Variants in IRS2 observed in about 807,000 individuals in gnomAD.
The protein encoded by IRS2 is insulin receptor substrate 2.
In IRS2, 28 loss-of-function variants were observed where a neutral mutation model predicts 70.9. That is an observed-to-expected ratio of 0.39 (90% CI 0.29 to 0.54). The LOEUF (loss-of-function observed/expected upper bound fraction) is 0.54, where lower values mean the gene tolerates loss of function less well. IRS2 is among the 20% of genes least tolerant of loss of function. The pLI, the probability that IRS2 is intolerant of heterozygous loss-of-function variation, is 0.59. For missense variants in IRS2, 2,081 were observed against 2,024.1 expected, an observed-to-expected ratio of 1.03 and a Z score of -0.54; for synonymous variants, 1,217 against 981.9, an observed-to-expected ratio of 1.24 and a Z score of -4.48.
chr13:109,761,765 G>A lies in IRS2; in HGVS notation c.4013-5457C>T, dbSNP rs531358365. Among the ~76,000 whole-genome samples, 133 of 152,260 alleles carry A rather than the reference G, an allele frequency of 8.7e-4. 1 individual carries two copies. Among genetic ancestry groups the A allele is most frequent in the Non-Finnish European group, 1.7e-3 (114 of 68,014 alleles). ...AACTTGCTTTCCTGCTGCCCTCCTT[G>A]AGAAAGACTGAAAACATTCTTTTCT... On this transcript the variant is annotated intron_variant, in intron 1 of 1. Coordinates refer to ENST00000375856, the MANE Select transcript of IRS2 (RefSeq NM_003749.3).
At chr13:109,757,517 T>C (rs1877132456) in intron 1 of IRS2, among the ~76,000 whole-genome samples, 1 of 151,964 alleles carries the variant, frequency 6.6e-6, no homozygotes, top group Non-Finnish European at 1.5e-5. Context: ...TGAGAGTGAG[T>C]CCCTCAAAAC....
Position 109,783,899 on chromosome 13 carries a change from T to A in IRS2, c.2155A>T (p.Thr719Ser), listed in dbSNP as rs759978554. The A allele has an allele frequency of 1.4e-5, 21 of 1,546,506 alleles. No homozygotes were observed. In the South Asian group the frequency reaches 2.5e-4, roughly 18 times the overall value. Residue 719 changes from threonine to serine, a missense_variant, in exon 1 of 2, where the codon ACA (threonine) becomes TCA (serine). Physicochemically the swap from Thr to Ser is moderately conservative, Grantham distance 58 (BLOSUM62 1). Transcript: ENST00000375856. ...TAGCCGCCCCCGCTCGCCGGGAATG[T>A]CCTGCCCGCCGCAGAGGTGGGTGCT... Reference protein sequence around the residue: ...GPAPTSAAGRTFPASGGGYKA... With the variant: ...GPAPTSAAGRSFPASGGGYKA...
At chr13:109,771,389 C>G (rs776133522) in intron 1 of IRS2, among the ~76,000 whole-genome samples, 10 of 152,086 alleles carry the variant, frequency 6.6e-5, no homozygotes, top group Non-Finnish European at 1.5e-4. Flanking sequence ...AATAAATTTA[C>G]AATCCTGGAT....
At chr13:109,766,876 T>C (rs1200532571) in intron 1 of IRS2, among the ~76,000 whole-genome samples, 2 of 152,284 alleles carry the variant, frequency 1.3e-5, no homozygotes, top group African/African-American at 4.8e-5. Flanking sequence ...ATTCAGTTAC[T>C]GCACATGCCC....
intron 1 of IRS2, among the ~76,000 whole-genome samples, chr13:109,778,061 T>C (rs759176359): frequency 7.2e-5 from 11 of 152,224 alleles, no homozygotes; most frequent in South Asian, 2.1e-4. Context: ...CCTGTATACA[T>C]TCATGGTTTC....
chr13:109,755,467 T>C lies in IRS2; in HGVS notation c.*837A>G, dbSNP rs1325390716. Reference sequence around the variant, plus strand: ...TGAAGTACCTACATAAACATCTACATCGAGAAGATTAAACAAGTCTGTTAA... The same window carrying C: ...TGAAGTACCTACATAAACATCTACACCGAGAAGATTAAACAAGTCTGTTAA... On this transcript the variant is annotated 3_prime_UTR_variant, in exon 2 of 2. Coordinates refer to ENST00000375856, the MANE Select transcript of IRS2 (RefSeq NM_003749.3). 4.6e-6 allele frequency: 1 copy of C among 219,558 alleles called. No homozygotes were observed. Among genetic ancestry groups the C allele is most frequent in the East Asian group, 6.7e-5 (1 of 14,960 alleles). 13.6% of individuals were successfully genotyped at this position (219,558 alleles called of 1,614,324 possible).
intron 1 of IRS2, among the ~76,000 whole-genome samples, chr13:109,781,725 G>A (rs555449779): frequency 1.3e-5 from 2 of 152,224 alleles, no homozygotes; most frequent in East Asian, 3.9e-4. Flanking sequence ...TAGTGTGGCC[G>A]GTCTGGGAGA....
chr13:109,785,591 G>C lies in IRS2; in HGVS notation c.463C>G (p.Pro155Ala). ...CAGGACGCGGCGGGCGCGGCGGCGG[G>C]GGGCGCGTCTCCGGCGGCCGCGCGG... ...EGRAAAGDAP[P>A]AAAPAASCSA... Residue 155 changes from proline to alanine, a missense_variant, in exon 1 of 2, where the codon CCC becomes GCC. Pro to Ala is a conservative substitution (Grantham distance 27). Coordinates refer to ENST00000375856, the MANE Select transcript of IRS2 (RefSeq NM_003749.3). The surrounding 1 kb of genome is among the most constrained non-coding windows in gnomAD (Gnocchi z 9.3). 1 of 1,341,218 alleles carries C rather than the reference G, an allele frequency of 7.5e-7. No homozygotes were observed. Among genetic ancestry groups the C allele is most frequent in the Non-Finnish European group, 9.6e-7 (1 of 1,044,284 alleles). The allele number at this position is 1,341,218 out of a possible 1,614,324, so 83.1% of individuals were successfully genotyped here. A position where few individuals can be genotyped will look rare whatever the true frequency, so the allele number is the denominator to read the frequency against.
intron 1 of IRS2, among the ~76,000 whole-genome samples, chr13:109,777,834 T>C (rs1877613719): frequency 6.6e-6 from 1 of 152,264 alleles, no homozygotes; most frequent in Non-Finnish European, 1.5e-5. Context: ...TACTTTACTA[T>C]GTAATTTAGA....
At position 109,784,778 on chromosome 13, in the gene IRS2, G is replaced by T; in HGVS notation, c.1276C>A (p.Gln426Lys). 1 of 1,257,836 alleles carries T rather than the reference G, an allele frequency of 8.0e-7. No homozygotes were observed. The highest frequency in any genetic ancestry group is 1.6e-5 in the African/African-American group (1 of 63,490). 77.9% of individuals were successfully genotyped at this position (1,257,836 alleles called of 1,614,324 possible). ...VALLPAGGAL[Q>K]HSRSMSMPVA... ...GGCATGGACATGGAGCGGCTGTGTT[G>T]CAGCGCGCCCCCTGCCGGCAGCAGC... Residue 426 changes from glutamine (Q) to lysine (K), a missense_variant, in exon 1 of 2, where the codon CAA becomes AAA. By Grantham distance (53) the Gln-to-Lys change is moderately conservative. This residue lies in a region of IRS2 where 1,615 missense variants were observed against 1,459.5 expected (regional missense o/e 1.11). Transcript: ENST00000375856. This position sits in a 1 kb window ranked among gnomAD's most constrained non-coding sequence, Gnocchi z 5.2.
intron 1 of IRS2, among the ~76,000 whole-genome samples, chr13:109,774,993 G>A (rs1226639761): frequency 2.0e-5 from 3 of 151,768 alleles, no homozygotes; most frequent in African/African-American, 7.3e-5. Flanking sequence ...GGGATTATCT[G>A]TTACACTTAT....
intron 1 of IRS2, among the ~76,000 whole-genome samples, chr13:109,777,585 C>T (rs1167722739): frequency 6.6e-6 from 1 of 152,130 alleles, no homozygotes; most frequent in Admixed American, 6.5e-5. Flanking sequence ...AATGACCACC[C>T]TCATTAAATC....
chr13:109,782,712 C>T lies in IRS2; in HGVS notation c.3342G>A (p.Val1114=). ...CCTGCAGGAAGGCCTCGACTCCCGA[C>T]ACCTGCTCCATGAGGCTCAGCCTCT... The part of the protein sequence containing the change: ...GVKRLSLMEQ[V]SGVEAFLQAS... Residue 1114 remains valine, a synonymous_variant, in exon 1 of 2, where the codon GTG becomes GTA. Transcript: ENST00000375856. 5 of 1,593,182 alleles carry T rather than the reference C, an allele frequency of 3.1e-6. No homozygotes were observed. The highest frequency in any genetic ancestry group is 3.4e-6 in the Non-Finnish European group (4 of 1,170,956).
intron 1 of IRS2, among the ~76,000 whole-genome samples, chr13:109,775,162 A>C (rs1302070844): frequency 7.3e-6 from 1 of 136,216 alleles, no homozygotes; most frequent in Non-Finnish European, 1.5e-5. Context: ...TTTGTTGCTC[A>C]GGCTGGAGTA....
chr13:109,758,897 G>A (rs1440633395), intron 1 of IRS2, among the ~76,000 whole-genome samples: 2 of 149,884 alleles, frequency 1.3e-5, no homozygotes, highest in Non-Finnish European at 3.0e-5. Context: ...GGAAGGGGAA[G>A]AGGAAGGGGA....
At chr13:109,780,686 A>T (rs1186746224) in intron 1 of IRS2, among the ~76,000 whole-genome samples, 1 of 152,148 alleles carries the variant, frequency 6.6e-6, no homozygotes, top group African/African-American at 2.4e-5. Flanking sequence ...GCCCACCTTG[A>T]TCCTCATCTC....
At chr13:109,769,931 C>A (rs1877415522) in intron 1 of IRS2, among the ~76,000 whole-genome samples, 1 of 152,232 alleles carries the variant, frequency 6.6e-6, no homozygotes. Context: ...CTGCCCCCAA[C>A]TTTCTACCTT....
In IRS2 at chr13:109,783,451, G is replaced by GA; in HGVS notation, c.2602dup (p.Ser868PhefsTer6). ...GCGGCCGCCGCTAGGCCGCACGGGC[G>GA]AAGGCACTACAGGGTGAGGGGGCTG... is the stretch of plus-strand genomic sequence containing the variant. On this transcript the variant is annotated frameshift_variant, in exon 1 of 2. Transcript: ENST00000375856. LOFTEE classifies it high-confidence loss of function. 1 of 1,534,186 alleles carries GA rather than the reference G, an allele frequency of 6.5e-7. No individual in the cohort carries two copies. Among genetic ancestry groups the GA allele is most frequent in the Non-Finnish European group, 8.7e-7 (1 of 1,144,108 alleles).
At chr13:109,775,114 C>CTT (rs34415737) in intron 1 of IRS2, among the ~76,000 whole-genome samples, 1,959 of 115,800 alleles carry the variant, frequency 0.017, 22 homozygotes, top group East Asian at 0.036. Flanking sequence ...CAAAATCTTT[C>CTT]TTTTTTTTTT....
Sources: gnomAD v4.1 joint callset for allele counts (sites outside exome capture counted in the v4.1 genomes callset) on GRCh38, gnomAD v4.1.1 for gene constraint, gnomAD v4.1.1 regional missense constraint, Gnocchi (gnomAD v3.1) non-coding constraint, MANE v1.5 for transcripts, NCBI Gene and HGNC (gene_info 2026-07-23, HGNC 2026-07-21) for gene names.